The following TRHDE variants were observed in gnomAD, a reference collection of about 807,000 sequenced individuals.
TRHDE encodes the protein thyrotropin releasing hormone degrading enzyme, also known as thyrotropin-releasing hormone-degrading ectoenzyme.
Under a neutral mutation model 125.7 loss-of-function variants are expected in TRHDE, and 72 were observed. The ratio of observed to expected loss-of-function variants is 0.57; its 90% CI spans 0.47 to 0.70. TRHDE has a LOEUF of 0.70. TRHDE is among the 30% of genes least tolerant of loss of function. TRHDE has a pLI of 0.00. For missense variants in TRHDE, 1,110 were observed against 1,327.1 expected (o/e 0.84, Z 2.54); for synonymous variants, 509 against 509.1 (o/e 1.00, Z 0.00).
At chr12:72,400,193 A>T (rs1872979726) in intron 3 of TRHDE, among the ~76,000 whole-genome samples, 1 of 152,154 alleles carries the variant, frequency 6.6e-6, no homozygotes, top group Non-Finnish European at 1.5e-5. Flanking sequence ...GTATATTAGT[A>T]AAATGAATTT....
intron 2 of TRHDE, among the ~76,000 whole-genome samples, chr12:72,345,873 T>C (rs1403032530): frequency 6.8e-6 from 1 of 147,296 alleles, no homozygotes; most frequent in Non-Finnish European, 1.5e-5. Context: ...ACAGAGTGCC[T>C]TTTAGTTTGC....
chr12:72,482,908 C>A (rs1877237085), intron 5 of TRHDE, among the ~76,000 whole-genome samples: 1 of 151,846 alleles, frequency 6.6e-6, no homozygotes, highest in East Asian at 1.9e-4. Context: ...AAACAGGGAA[C>A]TTTTCTTGAA....
At chr12:72,135,846 G>A (rs564757875) in intron 2 of TRHDE, among the ~76,000 whole-genome samples, 4 of 152,044 alleles carry the variant, frequency 2.6e-5, no homozygotes, top group African/African-American at 9.7e-5. Flanking sequence ...TGCCCCTGTG[G>A]CATTTATTCT....
chr12:72,391,156 A>T (rs1358092446), intron 3 of TRHDE, among the ~76,000 whole-genome samples: 1 of 152,112 alleles, frequency 6.6e-6, no homozygotes, highest in Non-Finnish European at 1.5e-5. Flanking sequence ...GGGGTTTAGG[A>T]TTTGGAATGA....
At chr12:72,217,293 T>C (rs1403358521) in intron 2 of TRHDE, among the ~76,000 whole-genome samples, 2 of 152,166 alleles carry the variant, frequency 1.3e-5, no homozygotes, top group African/African-American at 4.8e-5. Flanking sequence ...CTCTATAACC[T>C]CATTAATACT....
At chr12:72,388,762 A>C (rs968366330) in intron 3 of TRHDE, among the ~76,000 whole-genome samples, 4 of 152,090 alleles carry the variant, frequency 2.6e-5, no homozygotes, top group Non-Finnish European at 5.9e-5. Flanking sequence ...TGGGTGAGTT[A>C]GTACCTGGAA....
At chr12:72,578,657 C>A (rs1429397371) in intron 12 of TRHDE, among the ~76,000 whole-genome samples, 1 of 152,078 alleles carries the variant, frequency 6.6e-6, no homozygotes, top group East Asian at 1.9e-4. Context: ...GCTGTCTACC[C>A]TAATGTTTGC....
intron 3 of TRHDE, among the ~76,000 whole-genome samples, chr12:72,393,537 C>T (rs1872682258): frequency 6.6e-6 from 1 of 152,154 alleles, no homozygotes; most frequent in Non-Finnish European, 1.5e-5. Context: ...GAATCTGTCA[C>T]ATTTTTAAAC....
chr12:72,665,520 T>C lies in TRHDE; in HGVS notation c.*2325T>C, dbSNP rs1283684700. The C allele has an allele frequency of 6.6e-6, 1 of 152,490 alleles. No individual in the cohort carries two copies. Among genetic ancestry groups the C allele is most frequent in the East Asian group, 1.9e-4 (1 of 5,196 alleles). The allele number at this position is 152,490 out of a possible 1,614,324, so 9.4% of individuals were successfully genotyped here. On this transcript the variant is annotated 3_prime_UTR_variant, in exon 19 of 19. Transcript: ENST00000261180. ...TTTATTCTTTCTAATGTTGAAATTA[T>C]ATCAGGCTTTACCGGTTTTTTTAGT...
chr12:72,126,383 A>G (rs1875714446), intron 2 of TRHDE, among the ~76,000 whole-genome samples: 1 of 152,200 alleles, frequency 6.6e-6, no homozygotes, highest in Admixed American at 6.5e-5. Context: ...GGAACCAAAA[A>G]TGAGCCCAAT....
chr12:72,103,875 C>T (rs1432170657), intron 1 of TRHDE, among the ~76,000 whole-genome samples: 1 of 152,132 alleles, frequency 6.6e-6, no homozygotes, highest in East Asian at 1.9e-4. Flanking sequence ...TCCTGTGTCT[C>T]AGCATTCTGC....
At chr12:72,420,740 A>G (rs1055353374) in intron 3 of TRHDE, among the ~76,000 whole-genome samples, 2 of 152,142 alleles carry the variant, frequency 1.3e-5, no homozygotes, top group Admixed American at 1.3e-4. Context: ...TTTCACACAT[A>G]TTGGGATTGA....
At chr12:72,308,731 A>G (rs1868402500) in intron 2 of TRHDE, among the ~76,000 whole-genome samples, 1 of 152,102 alleles carries the variant, frequency 6.6e-6, no homozygotes, top group Non-Finnish European at 1.5e-5. Flanking sequence ...GTTTCTATCT[A>G]TTTTTCAAAA....
At chr12:72,370,779 G>C (rs906243287) in intron 2 of TRHDE, among the ~76,000 whole-genome samples, 15 of 149,764 alleles carry the variant, frequency 1.0e-4, no homozygotes, top group Non-Finnish European at 2.2e-4. Flanking sequence ...GTCTTGCTCT[G>C]TCACCAAGGC....
chr12:72,636,404 C>A (rs1394998906), intron 15 of TRHDE, among the ~76,000 whole-genome samples: 12 of 151,534 alleles, frequency 7.9e-5, no homozygotes, highest in Non-Finnish European at 1.5e-4. Flanking sequence ...AGATTTTGGG[C>A]TGAGACAATG....
intron 12 of TRHDE, among the ~76,000 whole-genome samples, chr12:72,604,048 T>C (rs1055136311): frequency 6.7e-6 from 1 of 150,266 alleles, no homozygotes; most frequent in African/African-American, 2.4e-5. Context: ...GAATCAAAGA[T>C]AAAAAAAAAG....
intron 5 of TRHDE, among the ~76,000 whole-genome samples, chr12:72,496,365 A>G (rs969757129): frequency 6.6e-6 from 1 of 152,228 alleles, no homozygotes; most frequent in African/African-American, 2.4e-5. Flanking sequence ...TCACAGTTCC[A>G]CATGGCTGGA....
chr12:72,135,892 AC>A (rs1375819184), intron 2 of TRHDE, among the ~76,000 whole-genome samples: 2 of 151,654 alleles, frequency 1.3e-5, no homozygotes, highest in African/African-American at 4.8e-5. Flanking sequence ...TACTGACATC[AC>A]GGTACTGGGC....
At chr12:72,348,560 G>A (rs1002694537) in intron 2 of TRHDE, among the ~76,000 whole-genome samples, 1 of 151,878 alleles carries the variant, frequency 6.6e-6, no homozygotes, top group Admixed American at 6.6e-5. Flanking sequence ...TATACTGAGG[G>A]TGTTAAATCT....
Sources: allele counts gnomAD v4.1 joint callset (sites outside exome capture counted in the v4.1 genomes callset), GRCh38; gene constraint gnomAD v4.1.1; transcripts MANE v1.5; gene names NCBI Gene and HGNC (gene_info 2026-07-23, HGNC 2026-07-21).